HTT: variants seen among roughly 807,000 people sequenced by gnomAD.
HTT encodes huntington disease protein.
Under a neutral mutation model 362.3 loss-of-function variants are expected in HTT, and 104 were observed. The ratio of observed to expected loss-of-function variants is 0.29; its 90% CI spans 0.24 to 0.34. The LOEUF (loss-of-function observed/expected upper bound fraction) is 0.34, where lower values mean the gene tolerates loss of function less well. Among genes scored for constraint, HTT ranks in the 10% least tolerant of loss-of-function variants. The pLI, the probability that HTT is intolerant of heterozygous loss-of-function variation, is 1.00. For synonymous variants in HTT, 1,577 were observed against 1,548.7 expected, an observed-to-expected ratio of 1.02 and a Z score of -0.43; for missense variants, 3,301 against 3,928.6, an observed-to-expected ratio of 0.84 and a Z score of 4.27.
In HTT at chr4:3,177,367, C is replaced by T. The variant is rs1304129990; in HGVS notation, c.4443C>T (p.Tyr1481=). The T allele has an allele frequency of 1.3e-6, 2 of 1,599,790 alleles. No homozygotes were observed. Among genetic ancestry groups the T allele is most frequent in the East Asian group, 2.2e-5 (1 of 44,498 alleles). Residue 1481 remains tyrosine (Y), a synonymous_variant, in exon 34 of 67, where the codon TAC becomes TAT. Coordinates refer to ENST00000355072, the MANE Select transcript of HTT (RefSeq NM_001388492.1). Reference sequence around the variant, plus strand: ...GCTTTGTATTGAAACAGTTTGAATACATTGAAGTGGGCCAGTTCAGGTAAT... The same window carrying T: ...GCTTTGTATTGAAACAGTTTGAATATATTGAAGTGGGCCAGTTCAGGTAAT... ...FIGFVLKQFE[Y]IEVGQFRESE...
At position 3,140,586 on chromosome 4, in the gene HTT, A is replaced by G; in HGVS notation, c.2875A>G (p.Ser959Gly). The G allele has an allele frequency of 6.2e-7, 1 of 1,614,014 alleles. No individual in the cohort carries two copies. The highest frequency in any genetic ancestry group is 8.5e-7 in the Non-Finnish European group (1 of 1,179,834). The change falls in exon 22 of 67, where the codon AGT (serine) becomes GGT (glycine). Residue 959 changes from serine to glycine, a missense_variant. Coordinates refer to ENST00000355072, the MANE Select transcript of HTT (RefSeq NM_001388492.1). Reference sequence around the variant, plus strand: ...AGTGGCCGTGGCAAGAGATCAAAGCAGTGTTTACCTGAAACTTCTCATGCA... The same window carrying G: ...AGTGGCCGTGGCAAGAGATCAAAGCGGTGTTTACCTGAAACTTCTCATGCA... ...PVVAVARDQS[S>G]VYLKLLMHET...
intron 33 of HTT, 66 bp downstream of exon 33, chr4:3,175,173 C>G: frequency 7.1e-7 from 1 of 1,399,212 alleles, no homozygotes; most frequent in Non-Finnish European, 9.9e-7. Flanking sequence ...CCCTAAAAGA[C>G]ACTGAAATCT....
At chr4:3,172,468 A>G in intron 30 of HTT, 71 bp downstream of exon 30, 1 of 977,244 alleles carries the variant, frequency 1.0e-6, no homozygotes, top group Non-Finnish European at 1.7e-6. Flanking sequence ...CTACTCCTTA[A>G]GAGGCAGGCG....
At chr4:3,232,771 G>A (rs1427517833) in intron 60 of HTT, among the ~76,000 whole-genome samples, 3 of 152,368 alleles carry the variant, frequency 2.0e-5, no homozygotes, top group Middle Eastern at 3.4e-3. Context: ...ACAGTGAGCC[G>A]TGACAGCGCG....
rs570535154 is a variant in HTT at position 3,130,514 on chromosome 4, C to A, written c.1986+91C>A. ...GGCTACTGTCTACTTTATTGCTTTC[C>A]CATCCCTGGGCCTTTAAATTTCCCC... On this transcript the variant is annotated intron_variant, in intron 14 of 66. Transcript: ENST00000355072. The A allele has an allele frequency of 1.0e-4, 70 of 680,616 alleles. No individual in the cohort carries two copies. The African/African-American group carries it at 1.1e-3, about 10-fold the overall frequency. 42.2% of individuals were successfully genotyped at this position (680,616 alleles called of 1,614,324 possible).
intron 41 of HTT, among the ~76,000 whole-genome samples, chr4:3,203,389 G>A (rs1719682079): frequency 6.6e-6 from 1 of 152,182 alleles, no homozygotes; most frequent in Non-Finnish European, 1.5e-5. Context: ...GGGCAGTTTG[G>A]GAGTGTGTCA....
Position 3,115,405 on chromosome 4 carries a change from G to T in HTT, c.849G>T (p.Arg283Ser). Residue 283 changes from arginine (R) to serine (S), a missense_variant, in exon 7 of 67, where the codon AGG (arginine) becomes AGT (serine). Arg to Ser is a moderately radical substitution (Grantham distance 110). Around this residue, in one of 4 missense-constraint regions of HTT, gnomAD observed 2,316 missense variants for 2,658.5 expected, o/e 0.87. Coordinates refer to ENST00000355072, the MANE Select transcript of HTT (RefSeq NM_001388492.1). ...TGAGCATCTGCCAGCACTCAAGAAG[G>T]ACACAATATTTCTATAGTTGGCTAC... ...SAVSICQHSR[R>S]TQYFYSWLLN... The T allele has an allele frequency of 6.2e-7, 1 of 1,613,944 alleles. No homozygotes were observed. The highest frequency in any genetic ancestry group is 1.3e-5 in the African/African-American group (1 of 75,058).
In HTT at chr4:3,127,592, C is replaced by T. The variant is rs1195746239; in HGVS notation, c.1731C>T (p.Asp577=). The T allele has an allele frequency of 6.2e-7, 1 of 1,609,992 alleles. No individual in the cohort carries two copies. Among genetic ancestry groups the T allele is most frequent in the Admixed American group, 1.7e-5 (1 of 59,898 alleles). The change falls in exon 12 of 67, where the codon GAC becomes GAT. Residue 577 remains aspartate, a synonymous_variant. Coordinates refer to ENST00000355072, the MANE Select transcript of HTT (RefSeq NM_001388492.1). ...CTGATTCAGCTGTTACCCCTTCAGA[C>T]AGTTCTGAAATTGTAAGTGGGCAGA... ...EGPDSAVTPS[D]SSEIVLDGTD...
rs74694735 is a variant in HTT, at chr4:3,189,457, A to T, written c.5368+364A>T. Among the ~76,000 whole-genome samples the T allele has an allele frequency of 2.1e-3, 319 of 152,350 alleles. 1 individual carries two copies. Among genetic ancestry groups the T allele is most frequent in the African/African-American group, 7.1e-3 (295 of 41,594 alleles). ...TATTATTCAGCCTTAAAAAAAGGAC[A>T]TTCTGACACATGCTACAACATGGGT... On this transcript the variant is annotated intron_variant, in intron 40 of 66. Coordinates refer to ENST00000355072, the MANE Select transcript of HTT (RefSeq NM_001388492.1).
At chr4:3,186,868 G>T in intron 38 of HTT, 149 bp downstream of exon 38, 1 of 697,772 alleles carries the variant, frequency 1.4e-6, no homozygotes, top group Non-Finnish European at 2.3e-6. Context: ...TTTGGTGTGG[G>T]GGTGGTGCGG....
chr4:3,178,310 A>G lies in HTT; in HGVS notation c.4476A>G (p.Ala1492=). 1 of 1,607,650 alleles carries G rather than the reference A, an allele frequency of 6.2e-7. No homozygotes were observed. Among genetic ancestry groups the G allele is most frequent in the Non-Finnish European group, 8.5e-7 (1 of 1,174,676 alleles). Residue 1492 remains alanine (A), a synonymous_variant, in exon 35 of 67, where the codon GCA becomes GCG. Coordinates refer to ENST00000355072, the MANE Select transcript of HTT (RefSeq NM_001388492.1). ...IEVGQFRESE[A]IIPNIFFFLV... ...TTTTTGTTTTTAGGGAATCAGAGGCAATCATTCCAAACATCTTTTTCTTCT... is the reference window on the plus strand; with the variant it reads ...TTTTTGTTTTTAGGGAATCAGAGGCGATCATTCCAAACATCTTTTTCTTCT...
Position 3,208,891 on chromosome 4 carries a change from G to C in HTT, c.6271G>C (p.Glu2091Gln). The change falls in exon 46 of 67, where the codon GAA (glutamate) becomes CAA (glutamine). Residue 2091 changes from glutamate (E) to glutamine (Q), a missense_variant. Physicochemically the swap from Glu to Gln is conservative, Grantham distance 29. This residue lies in a region of HTT where 2,316 missense variants were observed against 2,658.5 expected (regional missense o/e 0.87). Transcript: ENST00000355072. ...PLDGDGHVSL[E>Q]TVSPDKDWYV... The stretch of plus-strand genomic sequence containing the variant: ...GGACGGGGATGGGCACGTGTCACTG[G>C]AAACAGTGAGTCCGGACAAAGTAAG... 2 of 1,612,848 alleles carry C rather than the reference G, an allele frequency of 1.2e-6. No individual in the cohort carries two copies. The highest frequency in any genetic ancestry group is 1.1e-5 in the South Asian group (1 of 90,846).
At chr4:3,202,467 GC>G (rs1719628325) in intron 41 of HTT, among the ~76,000 whole-genome samples, 1 of 152,190 alleles carries the variant, frequency 6.6e-6, no homozygotes, top group African/African-American at 2.4e-5. Context: ...TGGCAGGACG[GC>G]CCACTGAGAA....
At position 3,226,596 on chromosome 4, in the gene HTT, C is replaced by T. The variant is rs560345383; in HGVS notation, c.7848+853C>T. On this transcript the variant is annotated intron_variant, in intron 57 of 66. Coordinates refer to ENST00000355072, the MANE Select transcript of HTT (RefSeq NM_001388492.1). ...CCGACTTGCACCTTTCCCTCCACCC[C>T]GGTGCTGTGTCTTTCGCTCACCGGG... Among the ~76,000 whole-genome samples the T allele has an allele frequency of 1.1e-4, 17 of 152,356 alleles. No homozygotes were observed. In the South Asian group the frequency reaches 1.5e-3, roughly 13 times the overall value.
At chr4:3,101,673 T>C (rs1158782262) in intron 3 of HTT, among the ~76,000 whole-genome samples, 1 of 152,222 alleles carries the variant, frequency 6.6e-6, no homozygotes, top group African/African-American at 2.4e-5. Context: ...ATGTGGTTTC[T>C]GTAGAGAAAT....
At chr4:3,208,514 G>C (rs546490179) in intron 45 of HTT, among the ~76,000 whole-genome samples, 1 of 152,256 alleles carries the variant, frequency 6.6e-6, no homozygotes, top group East Asian at 1.9e-4. Context: ...GAAATTTCTG[G>C]AAAATATTAA....
rs951274505 is a variant in HTT, at chr4:3,160,479, G to A, written c.3864+87G>A. On this transcript the variant is annotated intron_variant, in intron 29 of 66. Transcript: ENST00000355072. ...CTGAGTTCATCTAGGATGGAGCCTG[G>A]TTCTCCAGGGTGCCTCCGGGAGACT... 3.9e-5 allele frequency: 36 copies of A among 923,598 alleles called. No homozygotes were observed. The East Asian group carries it at 8.2e-4, about 21-fold the overall frequency. The allele number at this position is 923,598 out of a possible 1,614,324, so 57.2% of individuals were successfully genotyped here.
chr4:3,157,952 T>C (rs547029216), intron 28 of HTT, among the ~76,000 whole-genome samples: 64 of 152,250 alleles, frequency 4.2e-4, no homozygotes, highest in African/African-American at 1.4e-3. Context: ...TATTTTGTTA[T>C]ATCAATCTAT....
At chr4:3,097,789 A>G (rs945543454) in intron 2 of HTT, among the ~76,000 whole-genome samples, 14 of 152,220 alleles carry the variant, frequency 9.2e-5, no homozygotes, top group South Asian at 2.1e-4. Context: ...GATTAGCCCT[A>G]TATCTATTTT....
Sources: gnomAD v4.1 joint callset for allele counts (sites outside exome capture counted in the v4.1 genomes callset) on GRCh38, gnomAD v4.1.1 for gene constraint, gnomAD v4.1.1 regional missense constraint, MANE v1.5 for transcripts, NCBI Gene and HGNC (gene_info 2026-07-23, HGNC 2026-07-21) for gene names.